The following GARIN1A variants were observed in gnomAD, a reference collection of about 807,000 sequenced individuals.
GARIN1A encodes golgi associated RAB2 interactor 1A.
the GARIN1A span, among the ~76,000 whole-genome samples, chr7:128,689,115 C>T: frequency 6.6e-6 from 1 of 152,046 alleles, no homozygotes; most frequent in Non-Finnish European, 1.5e-5. Flanking sequence ...CAATGTTGCC[C>T]AGGCTGGAGT....
chr7:128,694,541 A>G, the GARIN1A span, among the ~76,000 whole-genome samples: 216 of 150,160 alleles, frequency 1.4e-3, no homozygotes, highest in Middle Eastern at 6.9e-3. Context: ...CTCAAAAAAA[A>G]AAAGAAAGAA....
At chr7:128,675,570 T>A in the GARIN1A span, 1,301 of 1,173,360 alleles carry the variant, frequency 1.1e-3, 11 homozygotes, top group Non-Finnish European at 7.6e-5. Context: ...CCCAGCCCAG[T>A]GTGTGCACAC....
the GARIN1A span, chr7:128,675,699 G>A: frequency 1.2e-6 from 2 of 1,613,846 alleles, no homozygotes; most frequent in Non-Finnish European, 1.7e-6. Flanking sequence ...GAACTGGAGA[G>A]ATGTCTGTGA....
chr7:128,672,586 G>T, the GARIN1A span: 2 of 1,325,274 alleles, frequency 1.5e-6, no homozygotes, highest in Non-Finnish European at 2.0e-6. Context: ...CTGTCTTTCT[G>T]TTTCCAAAAC....
the GARIN1A span, among the ~76,000 whole-genome samples, chr7:128,695,735 G>C: frequency 2.0e-5 from 3 of 151,856 alleles, no homozygotes; most frequent in East Asian, 3.9e-4. The surrounding 1 kb of genome is among the most constrained non-coding windows in gnomAD (Gnocchi z 4.5). Flanking sequence ...GTAGAGACAG[G>C]GTTTCATCAT....
At chr7:128,672,181 C>CT in the GARIN1A span, 4,753 of 430,436 alleles carry the variant, frequency 0.011, no homozygotes, top group South Asian at 0.02. Context: ...CCTTCCTCTT[C>CT]TTTTTTTTTT....
the GARIN1A span, among the ~76,000 whole-genome samples, chr7:128,695,205 T>G: frequency 6.6e-6 from 1 of 152,178 alleles, no homozygotes; most frequent in Non-Finnish European, 1.5e-5. This position sits in a 1 kb window ranked among gnomAD's most constrained non-coding sequence, Gnocchi z 4.5. Context: ...CAAGCCACTG[T>G]CCACCCTCCA....
the GARIN1A span, among the ~76,000 whole-genome samples, chr7:128,698,840 G>A: frequency 6.6e-6 from 1 of 152,166 alleles, no homozygotes; most frequent in East Asian, 1.9e-4. Context: ...GCCCCCCTCA[G>A]TCTCTCAAAG....
chr7:128,700,244 T>C, the GARIN1A span, among the ~76,000 whole-genome samples: 1 of 151,986 alleles, frequency 6.6e-6, no homozygotes, highest in African/African-American at 2.4e-5. Flanking sequence ...TCTTTAGTAC[T>C]GACATTTAGT....
At chr7:128,677,442 G>T in the GARIN1A span, 4 of 1,109,566 alleles carry the variant, frequency 3.6e-6, no homozygotes, top group Non-Finnish European at 3.6e-6. Context: ...CGGGGGCAGA[G>T]CCTGCAGTGA....
At chr7:128,674,955 T>G in the GARIN1A span, among the ~76,000 whole-genome samples, 4 of 152,110 alleles carry the variant, frequency 2.6e-5, no homozygotes, top group Admixed American at 2.6e-4. Context: ...TGTAGAGCAT[T>G]GGGAGAAGGC....
chr7:128,672,364 G>A, the GARIN1A span: 2 of 1,582,620 alleles, frequency 1.3e-6, no homozygotes, highest in Non-Finnish European at 1.7e-6. Flanking sequence ...TGGAGCCCCA[G>A]AAATGTTCCC....
chr7:128,686,587 CAGAA>C, the GARIN1A span: 3 of 152,054 alleles, frequency 2.0e-5, no homozygotes, highest in Admixed American at 2.0e-4. Flanking sequence ...ATAAATCTGA[CAGAA>C]AGGACCAGGC....
the GARIN1A span, among the ~76,000 whole-genome samples, chr7:128,694,524 A>T: frequency 6.9e-6 from 1 of 145,342 alleles, no homozygotes; most frequent in East Asian, 2.0e-4. Flanking sequence ...AGAGAGTGAG[A>T]CTCTGTCTCA....
the GARIN1A span, chr7:128,679,891 T>C: frequency 2.0e-6 from 1 of 506,654 alleles, no homozygotes; most frequent in South Asian, 3.3e-5. Context: ...TCTCGGGACT[T>C]AATGCTGAAG....
At chr7:128,690,216 G>C in the GARIN1A span, among the ~76,000 whole-genome samples, 2 of 152,116 alleles carry the variant, frequency 1.3e-5, no homozygotes, top group East Asian at 1.9e-4. Context: ...CAGCATGCTC[G>C]TTAAGAGTCA....
At chr7:128,672,638 A>AG in the GARIN1A span, 15 of 171,096 alleles carry the variant, frequency 8.8e-5, no homozygotes, top group South Asian at 3.8e-4. Flanking sequence ...GGCCTTTTAA[A>AG]GCCCTGGGGG....
At chr7:128,675,771 GTCC>G in the GARIN1A span, 76 of 1,613,704 alleles carry the variant, frequency 4.7e-5, no homozygotes, top group South Asian at 5.2e-4. Context: ...ACTCCCCAAT[GTCC>G]TCCTGATGGC....
the GARIN1A span, among the ~76,000 whole-genome samples, chr7:128,682,733 T>C: frequency 2.0e-5 from 3 of 152,016 alleles, no homozygotes; most frequent in East Asian, 5.8e-4. Flanking sequence ...GTGTGCCACA[T>C]GCCTGGCTAA....
Sources: allele counts gnomAD v4.1 joint callset (sites outside exome capture counted in the v4.1 genomes callset), GRCh38; gene constraint gnomAD v4.1.1; non-coding constraint Gnocchi (gnomAD v3.1); transcripts MANE v1.5; gene names NCBI Gene and HGNC (gene_info 2026-07-23, HGNC 2026-07-21).